Variants in ATP2A3 observed in about 807,000 individuals in gnomAD.
ATP2A3 encodes ATPase sarcoplasmic/endoplasmic reticulum Ca2+ transporting 3.
In ATP2A3, 61 loss-of-function variants were observed where a neutral mutation model predicts 106.8. The ratio of observed to expected loss-of-function variants is 0.57; its 90% CI spans 0.46 to 0.71. The LOEUF (loss-of-function observed/expected upper bound fraction) is 0.71. Ranked by LOEUF, ATP2A3 falls within the 30% of genes least tolerant of loss-of-function variation. The probability of loss-of-function intolerance (pLI) is 0.00; values close to 1 mark genes in which losing one functional copy is unlikely to be tolerated. For synonymous variants in ATP2A3, 611 were observed against 609.3 expected, an observed-to-expected ratio of 1.00 and a Z score of -0.04; for missense variants, 1,201 against 1,423.5, an observed-to-expected ratio of 0.84 and a Z score of 2.52.
In ATP2A3 at chr17:3,928,829, C is replaced by T. The variant is rs1440034480; in HGVS notation, c.2863-49G>A. 2 of 1,446,322 alleles carry T rather than the reference C, an allele frequency of 1.4e-6. No individual in the cohort carries two copies. The highest frequency in any genetic ancestry group is 1.9e-6 in the Non-Finnish European group (2 of 1,054,372). The allele number at this position is 1,446,322 out of a possible 1,614,324, so 89.6% of individuals were successfully genotyped here. ...TTGGTTAAAGGAAGGACTGGCTGTC[C>T]CGTGCCCCAGCCATCTGCTGGCCTT... On this transcript the variant is annotated intron_variant, in intron 19 of 20. Transcript: ENST00000397041. The surrounding 1 kb of genome is among the most constrained non-coding windows in gnomAD (Gnocchi z 6.1).
In ATP2A3 at chr17:3,937,491, T is replaced by C. The variant is rs1346446729; in HGVS notation, c.2246A>G (p.Glu749Gly). 1 of 1,613,970 alleles carries C rather than the reference T, an allele frequency of 6.2e-7. No individual in the cohort carries two copies. Among genetic ancestry groups the C allele is most frequent in the African/African-American group, 1.3e-5 (1 of 75,016 alleles). Residue 749 changes from glutamate to glycine, a missense_variant, in exon 15 of 21, where the codon GAG becomes GGG. Transcript: ENST00000397041. The part of the protein sequence containing the change: ...NFASIVAAVE[E>G]GRAIYSNMKQ... ...CATGTTGCTGTAGATGGCCCGGCCC[T>C]CCTCCACCGCAGCCACGATGGAGGC...
In ATP2A3 at chr17:3,936,558, C is replaced by G. The variant is rs2053454516; in HGVS notation, c.2322-89G>C. 1 of 1,402,914 alleles carries G rather than the reference C, an allele frequency of 7.1e-7. No homozygotes were observed. The highest frequency in any genetic ancestry group is 2.3e-5 in the East Asian group (1 of 43,256). The allele number at this position is 1,402,914 out of a possible 1,614,324, so 86.9% of individuals were successfully genotyped here. On this transcript the variant is annotated intron_variant, in intron 15 of 20. Coordinates refer to ENST00000397041, the MANE Select transcript of ATP2A3 (RefSeq NM_005173.4). The surrounding 1 kb of genome is among the most constrained non-coding windows in gnomAD (Gnocchi z 5.4). ...TCCTGCTCAGACCCAAGGCTGGGAG[C>G]TCACCCACCCACTGTCTCCACAGCA...
At chr17:3,951,516 G>GT in intron 4 of ATP2A3, 65 bp downstream of exon 4, 1 of 1,561,714 alleles carries the variant, frequency 6.4e-7, no homozygotes, top group Non-Finnish European at 8.7e-7. Flanking sequence ...CCAGCACCAG[G>GT]TGGAGGGCAC....
intron 10 of ATP2A3, 95 bp from the exon 11 acceptor site, chr17:3,943,617 C>G: frequency 6.3e-7 from 1 of 1,583,520 alleles, no homozygotes; most frequent in Non-Finnish European, 8.6e-7. Flanking sequence ...GCTGCCTTTG[C>G]TGGAGTTCCG....
intron 17 of ATP2A3, among the ~76,000 whole-genome samples, chr17:3,932,978 C>CA (rs1379682323): frequency 6.6e-6 from 1 of 151,684 alleles, no homozygotes; most frequent in East Asian, 1.9e-4. Flanking sequence ...AAAATACCAA[C>CA]AAGATCATGT....
At chr17:3,942,763 G>A (rs2053858759) in intron 11 of ATP2A3, 32 bp from the exon 12 acceptor site, 1 of 1,609,250 alleles carries the variant, frequency 6.2e-7, no homozygotes, top group African/African-American at 1.3e-5. Flanking sequence ...GGGCATGAAG[G>A]ACAGAGCCAG....
chr17:3,947,629 C>G lies in ATP2A3; in HGVS notation c.857G>C (p.Gly286Ala). The change falls in exon 8 of 21, where the codon GGC (glycine) becomes GCC (alanine). Residue 286 changes from glycine to alanine, a missense_variant. Gly to Ala is a moderately conservative substitution (Grantham distance 60). This residue lies in a region of ATP2A3 where 935 missense variants were observed against 1,176.7 expected (regional missense o/e 0.79). Transcript: ENST00000397041. The surrounding 1 kb of genome is among the most constrained non-coding windows in gnomAD (Gnocchi z 7.7). Reference sequence around the variant, plus strand: ...GTAGACAGCGCCACGCAGCCAGGAGCCACCGTGGGCCGGGTCGGCGAAGTG... The same window carrying G: ...GTAGACAGCGCCACGCAGCCAGGAGGCACCGTGGGCCGGGTCGGCGAAGTG... ...IGHFADPAHG[G>A]SWLRGAVYYF... is the part of the protein sequence containing the mutation. The G allele has an allele frequency of 6.2e-7, 1 of 1,612,424 alleles. No individual in the cohort carries two copies. The highest frequency in any genetic ancestry group is 8.5e-7 in the Non-Finnish European group (1 of 1,179,898).
At chr17:3,934,288 A>G (rs1169493205) in intron 17 of ATP2A3, among the ~76,000 whole-genome samples, 2 of 151,836 alleles carry the variant, frequency 1.3e-5, no homozygotes, top group African/African-American at 4.8e-5. Flanking sequence ...CAGTGGTGTG[A>G]TCACGGCTCA....
In ATP2A3 at chr17:3,945,985, C is replaced by T. The variant is rs536802893; in HGVS notation, c.1096-837G>A. Among the ~76,000 whole-genome samples, 46 of 152,314 alleles carry T rather than the reference C, an allele frequency of 3.0e-4. No homozygotes were observed. The South Asian group carries it at 9.1e-3, about 30-fold the overall frequency. The stretch of plus-strand genomic sequence containing the variant: ...ATTATTAGCTGGGCCCAGTGGCTCA[C>T]GCCTGTAATCCCAGCACTTTGGGAG... On this transcript the variant is annotated intron_variant, in intron 8 of 20. Coordinates refer to ENST00000397041, the MANE Select transcript of ATP2A3 (RefSeq NM_005173.4).
chr17:3,950,558 G>A lies in ATP2A3; in HGVS notation c.583C>T (p.Pro195Ser). ...VSVTKHTEAI[P>S]DPRAVNQDKK... Reference sequence around the variant, plus strand: ...TCCTGGTTCACAGCTCTGGGGTCTGGGATGGCCTCTGTGTGCTTGGTCACG... The same window carrying A: ...TCCTGGTTCACAGCTCTGGGGTCTGAGATGGCCTCTGTGTGCTTGGTCACG... The change falls in exon 7 of 21, where the codon CCA (proline) becomes TCA (serine). Residue 195 changes from proline (P) to serine (S), a missense_variant. Physicochemically the swap from Pro to Ser is moderately conservative, Grantham distance 74 (BLOSUM62 -1). Around this residue, in one of 2 missense-constraint regions of ATP2A3, gnomAD observed 935 missense variants for 1,176.7 expected, o/e 0.79. Transcript: ENST00000397041. 1.2e-6 allele frequency: 2 copies of A among 1,614,144 alleles called. No homozygotes were observed. The highest frequency in any genetic ancestry group is 1.3e-5 in the African/African-American group (1 of 75,044).
rs368757495 is a variant in ATP2A3, at chr17:3,937,376, C to T, written c.2321+40G>A. On this transcript the variant is annotated intron_variant, in intron 15 of 20. Coordinates refer to ENST00000397041, the MANE Select transcript of ATP2A3 (RefSeq NM_005173.4). ...TTTTCCCCATCTCAGGGGCACAGAG[C>T]GGATTGAGAGGGCTGAGAGGAGGGA... is the stretch of plus-strand genomic sequence containing the variant. 1,021 of 1,592,136 alleles carry T rather than the reference C, an allele frequency of 6.4e-4. 1 individual carries two copies. Among genetic ancestry groups the T allele is most frequent in the Non-Finnish European group, 7.6e-4 (890 of 1,165,382 alleles).
At chr17:3,940,816 C>T (rs1309214376) in intron 14 of ATP2A3, among the ~76,000 whole-genome samples, 155 bp downstream of exon 14, 4 of 152,162 alleles carry the variant, frequency 2.6e-5, no homozygotes, top group African/African-American at 7.2e-5. Flanking sequence ...CCCAGAATAA[C>T]ATTATTTAAA....
chr17:3,964,185 T>C lies in ATP2A3; in HGVS notation c.107A>G (p.Tyr36Cys). The C allele has an allele frequency of 8.3e-7, 1 of 1,209,200 alleles. No homozygotes were observed. The highest frequency in any genetic ancestry group is 1.0e-6 in the Non-Finnish European group (1 of 963,990). 74.9% of individuals were successfully genotyped at this position (1,209,200 alleles called of 1,614,324 possible). The change falls in exon 1 of 21, where the codon TAC becomes TGC. Residue 36 changes from tyrosine (Y) to cysteine (C), a missense_variant. Tyr to Cys is a radical substitution (Grantham distance 194). This residue lies in a region of ATP2A3 where 266 missense variants were observed against 246.8 expected (regional missense o/e 1.08). Coordinates refer to ENST00000397041, the MANE Select transcript of ATP2A3 (RefSeq NM_005173.4). Reference protein sequence around the residue: ...PAQVTGARERYGPNELPSEEG... With the variant: ...PAQVTGARERCGPNELPSEEG... The stretch of plus-strand genomic sequence containing the variant: ...GCCCGCGCGCTCACCGTTGGGGCCG[T>C]AGCGCTCCCGCGCGCCGGTCACCTG...
At position 3,924,535 on chromosome 17, in the gene ATP2A3, C is replaced by T. The variant is rs543005354; in HGVS notation, c.*887G>A. The T allele has an allele frequency of 4.1e-5, 14 of 344,592 alleles. No homozygotes were observed. Among genetic ancestry groups the T allele is most frequent in the South Asian group, 1.3e-4 (6 of 46,654 alleles). The allele number at this position is 344,592 out of a possible 1,614,324, so 21.3% of individuals were successfully genotyped here. ...CCGCACACTGGGCTGGGTAGAAGGG[C>T]GCCACGGTCAGGAACCTGAGGATGT... On this transcript the variant is annotated 3_prime_UTR_variant, in exon 21 of 21. Transcript: ENST00000397041. The surrounding 1 kb of genome is among the most constrained non-coding windows in gnomAD (Gnocchi z 6.4).
Position 3,964,301 on chromosome 17 carries a change from C to T in ATP2A3, c.-10G>A. The stretch of plus-strand genomic sequence containing the variant: ...GATGCGCCGCCTCCATGCCGCCCGC[C>T]CGGCCGTCTGCGCCGTCCGCACCGT... On this transcript the variant is annotated 5_prime_UTR_variant, in exon 1 of 21. Coordinates refer to ENST00000397041, the MANE Select transcript of ATP2A3 (RefSeq NM_005173.4). The T allele has an allele frequency of 8.0e-7, 1 of 1,248,218 alleles. No individual in the cohort carries two copies. The highest frequency in any genetic ancestry group is 1.0e-6 in the Non-Finnish European group (1 of 982,210). The allele number at this position is 1,248,218 out of a possible 1,614,324, so 77.3% of individuals were successfully genotyped here. A position where few individuals can be genotyped will look rare whatever the true frequency, so the allele number is the denominator to read the frequency against.
Position 3,933,655 on chromosome 17 carries a change from G to C in ATP2A3, c.2610+1537C>G, listed in dbSNP as rs1372431830. On this transcript the variant is annotated intron_variant, in intron 17 of 20. Transcript: ENST00000397041. ...GGAGGCTGAGGCAGGGGAATCACTT[G>C]AACCCGGGAGGTGGAGGTTGCAGTG... 2.6e-5 allele frequency among the ~76,000 whole-genome samples: 4 copies of C among 151,118 alleles called. No individual in the cohort carries two copies. In the South Asian group the frequency reaches 6.2e-4, roughly 24 times the overall value.
rs1222877300 is a variant in ATP2A3, at chr17:3,930,787, C to T, written c.2611-353G>A. On this transcript the variant is annotated intron_variant, in intron 17 of 20. Transcript: ENST00000397041. This position sits in a 1 kb window ranked among gnomAD's most constrained non-coding sequence, Gnocchi z 5.4. ...GTGAAAATCAACCAACAAAACCATG[C>T]GGGAGTGGAATTCACCTTTGCGGTA... The T allele has an allele frequency of 1.3e-5, 5 of 390,490 alleles. No homozygotes were observed. The highest frequency in any genetic ancestry group is 4.2e-5 in the South Asian group (2 of 47,610). The allele number at this position is 390,490 out of a possible 1,614,324, so 24.2% of individuals were successfully genotyped here.
At chr17:3,942,800 T>A in intron 11 of ATP2A3, 69 bp from the exon 12 acceptor site, 1 of 1,597,588 alleles carries the variant, frequency 6.3e-7, no homozygotes, top group Non-Finnish European at 8.5e-7. Context: ...TCCCACCAAC[T>A]GCTTGGCCCC....
In ATP2A3 at chr17:3,928,630, C is replaced by G. The variant is rs2052854572; in HGVS notation, c.2980+33G>C. The G allele has an allele frequency of 1.3e-6, 2 of 1,521,454 alleles. No homozygotes were observed. The highest frequency in any genetic ancestry group is 2.5e-5 in the East Asian group (1 of 40,738). The allele number at this position is 1,521,454 out of a possible 1,614,324, so 94.2% of individuals were successfully genotyped here. ...CCAGGAGCAGAGGCGGGCGGGGAGG[C>G]AGGCTGGAGGCGGGACGGGGCCTCC... is the stretch of plus-strand genomic sequence containing the variant. On this transcript the variant is annotated intron_variant, in intron 20 of 20. Coordinates refer to ENST00000397041, the MANE Select transcript of ATP2A3 (RefSeq NM_005173.4). The surrounding 1 kb of genome is among the most constrained non-coding windows in gnomAD (Gnocchi z 6.1).
Sources: gnomAD v4.1 joint callset for allele counts (sites outside exome capture counted in the v4.1 genomes callset) on GRCh38, gnomAD v4.1.1 for gene constraint, gnomAD v4.1.1 regional missense constraint, Gnocchi (gnomAD v3.1) non-coding constraint, MANE v1.5 for transcripts, NCBI Gene and HGNC (gene_info 2026-07-23, HGNC 2026-07-21) for gene names.